EEPD1: variants seen among roughly 807,000 people sequenced by gnomAD.
EEPD1 encodes endonuclease/exonuclease/phosphatase family domain-containing protein 1.
EEPD1 carries 17 observed loss-of-function variants against 46.3 expected under a neutral mutation model. The observed-to-expected ratio is 0.37, with a 90% CI of 0.25 to 0.55. EEPD1 has a LOEUF of 0.55. Among genes scored for constraint, EEPD1 ranks in the 20% least tolerant of loss-of-function variants. The pLI is 0.83. For synonymous variants in EEPD1, 313 were observed against 315.6 expected (o/e 0.99, Z 0.09); for missense variants, 673 against 745.6 (o/e 0.90, Z 1.13).
intron 2 of EEPD1, among the ~76,000 whole-genome samples, chr7:36,223,754 G>T (rs938857142): frequency 6.6e-6 from 1 of 152,154 alleles, no homozygotes; most frequent in Non-Finnish European, 1.5e-5. Flanking sequence ...AGGGTCAGGG[G>T]GAGAAGGATG....
intron 2 of EEPD1, among the ~76,000 whole-genome samples, chr7:36,186,414 T>A (rs1240900863): frequency 6.6e-6 from 1 of 152,174 alleles, no homozygotes; most frequent in Non-Finnish European, 1.5e-5. Context: ...AAGTTCTAAG[T>A]GTGATTCCCA....
chr7:36,238,336 C>T (rs1786493209), intron 2 of EEPD1, among the ~76,000 whole-genome samples: 1 of 152,178 alleles, frequency 6.6e-6, no homozygotes, highest in Non-Finnish European at 1.5e-5. Flanking sequence ...GACTTAATGC[C>T]TAACCTCCTG....
intron 2 of EEPD1, among the ~76,000 whole-genome samples, chr7:36,165,483 A>G (rs1345546780): frequency 7.8e-6 from 1 of 128,058 alleles, no homozygotes; most frequent in Non-Finnish European, 1.5e-5. Flanking sequence ...GCAATGGAGC[A>G]ATCTCAGCTC....
intron 7 of EEPD1, among the ~76,000 whole-genome samples, chr7:36,297,432 A>G (rs1787545815): frequency 6.6e-6 from 1 of 152,092 alleles, no homozygotes; most frequent in African/African-American, 2.4e-5. Flanking sequence ...CGTTAATTTT[A>G]TTCAAATATA....
intron 3 of EEPD1, among the ~76,000 whole-genome samples, chr7:36,273,129 TACACACAC>T (rs10578694): frequency 7.4e-5 from 11 of 148,438 alleles, no homozygotes; most frequent in South Asian, 2.2e-4. Flanking sequence ...GGTGCATGCT[TACACACAC>T]ACACACACAC....
intron 3 of EEPD1, among the ~76,000 whole-genome samples, chr7:36,261,108 G>A (rs1786914921): frequency 6.6e-6 from 1 of 152,232 alleles, no homozygotes; most frequent in Non-Finnish European, 1.5e-5. Flanking sequence ...ATAGATGTAT[G>A]TGTGGATGTG....
intron 2 of EEPD1, among the ~76,000 whole-genome samples, chr7:36,224,472 G>A (rs753378607): frequency 6.6e-6 from 1 of 152,184 alleles, no homozygotes. Context: ...TGCAGAACAA[G>A]GTAAAAGCAA....
intron 2 of EEPD1, among the ~76,000 whole-genome samples, chr7:36,157,341 T>C (rs1453370554): frequency 6.6e-6 from 1 of 152,216 alleles, no homozygotes; most frequent in Non-Finnish European, 1.5e-5. Context: ...ATTCATCTTC[T>C]AGGACCTATG....
intron 3 of EEPD1, among the ~76,000 whole-genome samples, chr7:36,240,139 C>T (rs1786533456): frequency 1.3e-5 from 2 of 152,030 alleles, no homozygotes; most frequent in South Asian, 2.1e-4. Context: ...TGTGGTGGTG[C>T]ACACCTGCGG....
At chr7:36,264,249 C>G (rs1265935701) in intron 3 of EEPD1, among the ~76,000 whole-genome samples, 1 of 152,186 alleles carries the variant, frequency 6.6e-6, no homozygotes, top group Non-Finnish European at 1.5e-5. Context: ...AAGCTTGATC[C>G]TATTACTCCT....
intron 2 of EEPD1, among the ~76,000 whole-genome samples, chr7:36,238,404 T>C (rs903362236): frequency 6.6e-6 from 1 of 152,232 alleles, no homozygotes; most frequent in African/African-American, 2.4e-5. Context: ...CAAGATGGAA[T>C]AGCTGTGGTT....
At chr7:36,265,402 G>A (rs1234606567) in intron 3 of EEPD1, among the ~76,000 whole-genome samples, 1 of 152,232 alleles carries the variant, frequency 6.6e-6, no homozygotes, top group African/African-American at 2.4e-5. Context: ...CCGCCTGAGA[G>A]TGAACTAGTC....
intron 3 of EEPD1, among the ~76,000 whole-genome samples, chr7:36,264,672 A>G (rs548815461): frequency 6.6e-6 from 1 of 152,326 alleles, no homozygotes; most frequent in Non-Finnish European, 1.5e-5. Flanking sequence ...CACAGTGCCC[A>G]GTATGTTGGA....
chr7:36,176,278 C>T (rs973210404), intron 2 of EEPD1, among the ~76,000 whole-genome samples: 4 of 152,150 alleles, frequency 2.6e-5, no homozygotes, highest in Admixed American at 1.3e-4. Context: ...ATGCTCAGTG[C>T]GTTTGGAAGA....
At chr7:36,248,046 T>A (rs1387384329) in intron 3 of EEPD1, among the ~76,000 whole-genome samples, 3 of 151,980 alleles carry the variant, frequency 2.0e-5, no homozygotes, top group African/African-American at 7.3e-5. Flanking sequence ...ACACACAGGG[T>A]GTGAGGGCTG....
At chr7:36,226,432 T>G (rs1786232732) in intron 2 of EEPD1, among the ~76,000 whole-genome samples, 1 of 152,220 alleles carries the variant, frequency 6.6e-6, no homozygotes, top group African/African-American at 2.4e-5. Context: ...TCAGGTTCCT[T>G]AAGACCCTGC....
chr7:36,204,432 GAGA>G (rs1481202130), intron 2 of EEPD1, among the ~76,000 whole-genome samples: 8 of 150,660 alleles, frequency 5.3e-5, no homozygotes, highest in Non-Finnish European at 1.2e-4. Context: ...GGAGGAGGAG[GAGA>G]AGGAGGAGGG....
chr7:36,180,682 C>T (rs1350119889), intron 2 of EEPD1, among the ~76,000 whole-genome samples: 1 of 152,080 alleles, frequency 6.6e-6, no homozygotes, highest in Non-Finnish European at 1.5e-5. Flanking sequence ...CTCATGAATG[C>T]CAGCTCATCC....
At chr7:36,261,450 T>C (rs556491196) in intron 3 of EEPD1, among the ~76,000 whole-genome samples, 1 of 152,338 alleles carries the variant, frequency 6.6e-6, no homozygotes, top group African/African-American at 2.4e-5. Flanking sequence ...TCAAAATTGT[T>C]GCACCTAGCC....
Sources: gnomAD v4.1 joint callset for allele counts (sites outside exome capture counted in the v4.1 genomes callset) on GRCh38, gnomAD v4.1.1 for gene constraint, MANE v1.5 for transcripts, NCBI Gene and HGNC (gene_info 2026-07-23, HGNC 2026-07-21) for gene names.